BCAR1: variants seen among roughly 807,000 people sequenced by gnomAD.
BCAR1 encodes breast cancer anti-estrogen resistance protein 1.
A neutral mutation model predicts 67.6 loss-of-function variants in BCAR1; 30 were observed. The ratio of observed to expected loss-of-function variants is 0.44; its 90% CI spans 0.33 to 0.60. The LOEUF (loss-of-function observed/expected upper bound fraction) is 0.60. BCAR1 is among the 20% of genes least tolerant of loss of function. The pLI, the probability that BCAR1 is intolerant of heterozygous loss-of-function variation, is 0.02. For synonymous variants in BCAR1, 626 were observed against 556.7 expected, an observed-to-expected ratio of 1.12 and a Z score of -1.75; for missense variants, 1,313 against 1,222.3, an observed-to-expected ratio of 1.07 and a Z score of -1.11.
At chr16:75,238,030 G>T in intron 2 of BCAR1, 1 of 1,288,160 alleles carries the variant, frequency 7.8e-7, no homozygotes, top group Non-Finnish European at 1.0e-6. Flanking sequence ...GACCTGAAAG[G>T]ATGAGGCCTA....
chr16:75,250,857 T>TTG, intron 1 of BCAR1: 1 of 985,378 alleles, frequency 1.0e-6, no homozygotes, highest in Non-Finnish European at 1.2e-6. Context: ...CCACCGGCGC[T>TTG]CGGCGTGCGG....
At position 75,235,894 on chromosome 16, in the gene BCAR1, C is replaced by T. The variant is rs1240926811; in HGVS notation, c.1005G>A (p.Lys335=). 6.4e-7 allele frequency: 1 copy of T among 1,563,734 alleles called. No individual in the cohort carries two copies. Among genetic ancestry groups the T allele is most frequent in the African/African-American group, 1.4e-5 (1 of 73,910 alleles). ...ETYDVPPAFA[K]AKPFDPARTP... ...TGCGGGCCGGGTCAAAGGGCTTGGC[C>T]TTGGCGAAGGCGGGGGGCACATCGT... Residue 335 remains lysine, a synonymous_variant, in exon 5 of 7, where the codon AAG becomes AAA. Coordinates refer to ENST00000162330, the MANE Select transcript of BCAR1 (RefSeq NM_014567.5).
At position 75,263,364 on chromosome 16, in the gene BCAR1, G is replaced by T. The variant is rs559412298; in HGVS notation, c.66+4551C>A. On this transcript the variant is annotated intron_variant, in intron 1 of 6. Coordinates refer to the BCAR1 transcript ENST00000393422. ...TCCTTCCAAATGTGTCCTCTCAGCTGCAGGAAGAGTCAGGCCCAGAGCGCT... is the reference window on the plus strand; with the variant it reads ...TCCTTCCAAATGTGTCCTCTCAGCTTCAGGAAGAGTCAGGCCCAGAGCGCT... The T allele has an allele frequency of 7.1e-6, 7 of 985,458 alleles. No homozygotes were observed. The African/African-American group carries it at 1.0e-4, about 15-fold the overall frequency. The allele number at this position is 985,458 out of a possible 1,614,324, so 61.0% of individuals were successfully genotyped here. A position where few individuals can be genotyped will look rare whatever the true frequency, so the allele number is the denominator to read the frequency against.
Position 75,243,103 on chromosome 16 carries a change from G to A in BCAR1, c.13-13C>T. ...TGGCCAGCACGTTCTGGGGAGAGAG[G>A]ACACAGGTGTGAGAACAGAAGGATG... On this transcript the variant is annotated splice_polypyrimidine_tract_variant and intron_variant, in intron 1 of 6. Transcript: ENST00000162330. 4 of 1,570,490 alleles carry A rather than the reference G, an allele frequency of 2.5e-6. No homozygotes were observed. The highest frequency in any genetic ancestry group is 1.7e-4 in the Middle Eastern group (1 of 5,868).
chr16:75,264,284 A>C, intron 1 of BCAR1: 1 of 1,397,462 alleles, frequency 7.2e-7, no homozygotes, highest in South Asian at 1.6e-5. Flanking sequence ...GGACCTCCCC[A>C]TAGAGGCCCG....
In BCAR1 at chr16:75,229,922, G is replaced by A. The variant is rs773038655; in HGVS notation, c.2202C>T (p.Gly734=). ...PAQPLAPGRT[G]GLGPSDRQLL... ...GCTGCCGGTCCGAGGGCCCCAGGCC[G>A]CCTGTTCGCCCCGGGGCCAGGGGTT... The change falls in exon 7 of 7, where the codon GGC becomes GGT. Residue 734 remains glycine (G), a synonymous_variant. Transcript: ENST00000162330. 68 of 1,606,956 alleles carry A rather than the reference G, an allele frequency of 4.2e-5. No homozygotes were observed. The highest frequency in any genetic ancestry group is 5.6e-5 in the Non-Finnish European group (66 of 1,175,174).
intron 1 of BCAR1, chr16:75,247,740 G>T (rs1453741700): frequency 2.5e-6 from 1 of 400,996 alleles, no homozygotes. Context: ...AACACTGCAG[G>T]TATCACTGCT....
rs144024204 is a variant in BCAR1, at chr16:75,236,270, G to T, written c.913-284C>A. The T allele has an allele frequency of 3.3e-3, 1,621 of 495,986 alleles. 5 individuals are homozygous for T. The highest frequency in any genetic ancestry group is 4.7e-3 in the Non-Finnish European group (1,317 of 282,966). The allele number at this position is 495,986 out of a possible 1,614,324, so 30.7% of individuals were successfully genotyped here. ...GAGCCAGGTGACCACCCCTGTGCCT[G>T]AAGGTGGGAGAGCTTCCTCCCAAAG... is the stretch of plus-strand genomic sequence containing the variant. On this transcript the variant is annotated intron_variant, in intron 4 of 6. Transcript: ENST00000162330.
chr16:75,239,756 C>A (rs538742858), intron 2 of BCAR1, among the ~76,000 whole-genome samples: 3 of 152,274 alleles, frequency 2.0e-5, no homozygotes, highest in African/African-American at 7.2e-5. Flanking sequence ...GCCTGAGGGG[C>A]CACCACCATA....
rs1001924335 is a variant in BCAR1, at chr16:75,262,664, T to C, written c.66+5251A>G. On this transcript the variant is annotated intron_variant, in intron 1 of 6. Transcript: ENST00000393422. ...ACCCCAGGGCAGGCCTCATGGCTCC[T>C]TGGGCAGCTCCCCCACTCACACCAC... Among the ~76,000 whole-genome samples the C allele has an allele frequency of 1.5e-4, 23 of 152,250 alleles. No homozygotes were observed. The East Asian group carries it at 2.9e-3, about 19-fold the overall frequency.
At chr16:75,248,251 C>T (rs2077578618) in intron 1 of BCAR1, 3 of 1,488,218 alleles carry the variant, frequency 2.0e-6, no homozygotes, top group Non-Finnish European at 2.7e-6. Flanking sequence ...CCCACCCCTC[C>T]TGTCCACGCC....
intron 1 of BCAR1, chr16:75,263,560 C>A (rs1317495408): frequency 1.0e-6 from 1 of 985,456 alleles, no homozygotes; most frequent in South Asian, 4.7e-5. Flanking sequence ...CAAGGTGACA[C>A]CAGCTGATCC....
chr16:75,235,131 C>T lies in BCAR1; in HGVS notation c.1768G>A (p.Ala590Thr), dbSNP rs61743091. Residue 590 changes from alanine (A) to threonine (T), a missense_variant, in exon 5 of 7, where the codon GCC (alanine) becomes ACC (threonine). This residue lies in a region of BCAR1 where 1,272 missense variants were observed against 1,137.5 expected (regional missense o/e 1.12). Transcript: ENST00000162330. ...TGCAGGAAGGAGGCCAGCTGCTTGG[C>T]GTCCTCGGGCACAGCCCGCGAGCAG... The part of the protein sequence containing the change: ...VACSRAVPED[A>T]KQLASFLHGN... 3,208 of 1,609,848 alleles carry T rather than the reference C, an allele frequency of 2.0e-3. 46 individuals carry two copies. In the African/African-American group the frequency reaches 0.037, roughly 19 times the overall value.
rs770305739 is a variant in BCAR1, at chr16:75,235,617, A to T, written c.1282T>A (p.Ser428Thr). ...CGTGTGCTGCCGGTGCTGGAGGCCG[A>T]CAGGCGCTTGCCCTCTGCCGGGGCT... Reference protein sequence around the residue: ...REAPAEGKRLSASSTGSTRSS... With the variant: ...REAPAEGKRLTASSTGSTRSS... The change falls in exon 5 of 7, where the codon TCG (serine) becomes ACG (threonine). Residue 428 changes from serine (S) to threonine (T), a missense_variant. By Grantham distance (58) the Ser-to-Thr change is moderately conservative (BLOSUM62 1). Around this residue, in one of 2 missense-constraint regions of BCAR1, gnomAD observed 1,272 missense variants for 1,137.5 expected, o/e 1.12. Coordinates refer to ENST00000162330, the MANE Select transcript of BCAR1 (RefSeq NM_014567.5). 9.4e-6 allele frequency: 15 copies of T among 1,601,182 alleles called. No individual in the cohort carries two copies. The highest frequency in any genetic ancestry group is 1.3e-5 in the Non-Finnish European group (15 of 1,172,794).
At chr16:75,240,599 C>A (rs1428303385) in intron 2 of BCAR1, among the ~76,000 whole-genome samples, 1 of 152,312 alleles carries the variant, frequency 6.6e-6, no homozygotes, top group South Asian at 2.1e-4. Flanking sequence ...CAGTGATTAC[C>A]GCGATTGGAA....
At position 75,228,720 on chromosome 16, in the gene BCAR1, T is replaced by C. The variant is rs1452574040; in HGVS notation, c.*791A>G. The stretch of plus-strand genomic sequence containing the variant: ...GCTGTGGGCATGGGCAGGTGCTCAC[T>C]GTGGCAGCTCCCTAGGGTTGCAGGG... On this transcript the variant is annotated 3_prime_UTR_variant, in exon 7 of 7. Coordinates refer to ENST00000162330, the MANE Select transcript of BCAR1 (RefSeq NM_014567.5). 6.6e-6 allele frequency: 1 copy of C among 152,308 alleles called. No individual in the cohort carries two copies. The highest frequency in any genetic ancestry group is 2.4e-5 in the African/African-American group (1 of 41,472). 9.4% of individuals were successfully genotyped at this position (152,308 alleles called of 1,614,324 possible).
At chr16:75,250,957 C>G (rs57613349) in intron 1 of BCAR1, 435,943 of 985,286 alleles carry the variant, frequency 0.44, 98,961 homozygotes, top group Non-Finnish European at 0.47. Flanking sequence ...TAACTGGAGC[C>G]GGGTGCTCCG....
At chr16:75,245,964 C>CTTTGTTTTTTTTTTTTTT (rs2077505952) in intron 1 of BCAR1, 1 of 49,634 alleles carries the variant, frequency 2.0e-5, no homozygotes, top group Non-Finnish European at 3.6e-5. Flanking sequence ...TAGGATTGTT[C>CTTTGTTTTTTTTTTTTTT]TTTTTTTTTT....
intron 4 of BCAR1, 43 bp downstream of exon 4, chr16:75,236,828 CCAGACACCCCA>C (rs775592186): frequency 1.3e-6 from 2 of 1,589,320 alleles, no homozygotes; most frequent in Non-Finnish European, 1.7e-6. Flanking sequence ...GTGCACACAC[CCAGACACCCCA>C]CAGCCTCAGC....
Sources: gnomAD v4.1 joint callset for allele counts (sites outside exome capture counted in the v4.1 genomes callset) on GRCh38, gnomAD v4.1.1 for gene constraint, gnomAD v4.1.1 regional missense constraint, MANE v1.5 for transcripts, NCBI Gene and HGNC (gene_info 2026-07-23, HGNC 2026-07-21) for gene names.